The following SLC19A1 variants were observed in gnomAD, a reference collection of about 807,000 sequenced individuals.
SLC19A1 encodes solute carrier family 19 member 1.
In SLC19A1, 37 loss-of-function variants were observed where a neutral mutation model predicts 35.3. The ratio of observed to expected loss-of-function variants is 1.05; its 90% CI spans 0.81 to 1.38. The LOEUF (loss-of-function observed/expected upper bound fraction) is 1.38, where lower values mean the gene tolerates loss of function less well. Ranked by LOEUF, SLC19A1 falls within the 40% of genes most tolerant of loss-of-function variation. The pLI is 0.00. For synonymous variants in SLC19A1, 460 were observed against 398.5 expected (o/e 1.15, Z -1.84); for missense variants, 831 against 826.9 (o/e 1.00, Z -0.06).
Position 45,540,228 on chromosome 21 carries a change from G to A in SLC19A1, c.-50+2140C>T, listed in dbSNP as rs1434073040. Among the ~76,000 whole-genome samples, 1 of 152,160 alleles carries A rather than the reference G, an allele frequency of 6.6e-6. No homozygotes were observed. Among genetic ancestry groups the A allele is most frequent in the Non-Finnish European group, 1.5e-5 (1 of 68,032 alleles). The stretch of plus-strand genomic sequence containing the variant: ...GACCCATTTGGCCCTGGGACTCCCT[G>A]TCAAGTTCACTTTCCCACCTGTCAG... On this transcript the variant is annotated intron_variant, in intron 1 of 5. Coordinates refer to ENST00000311124, the MANE Select transcript of SLC19A1 (RefSeq NM_194255.4). This position sits in a 1 kb window ranked among gnomAD's most constrained non-coding sequence, Gnocchi z 5.5.
Position 45,534,585 on chromosome 21 carries a change from G to A in SLC19A1, c.190-2437C>T. On this transcript the variant is annotated intron_variant, in intron 2 of 5. Coordinates refer to ENST00000311124, the MANE Select transcript of SLC19A1 (RefSeq NM_194255.4). The surrounding 1 kb of genome is among the most constrained non-coding windows in gnomAD (Gnocchi z 4.2). ...TCATTTCCTCTTCCACCAGGAGCTGGCTCTGCAGGCTGGGGCCTCATCAGG... is the reference window on the plus strand; with the variant it reads ...TCATTTCCTCTTCCACCAGGAGCTGACTCTGCAGGCTGGGGCCTCATCAGG... 1 of 1,535,700 alleles carries A rather than the reference G, an allele frequency of 6.5e-7. No homozygotes were observed.
chr21:45,515,249 G>T lies in SLC19A1; in HGVS notation c.*409C>A, dbSNP rs1360757600. 4.0e-6 allele frequency: 6 copies of T among 1,500,860 alleles called. No homozygotes were observed. Among genetic ancestry groups the T allele is most frequent in the Non-Finnish European group, 5.3e-6 (6 of 1,137,564 alleles). The allele number at this position is 1,500,860 out of a possible 1,614,324, so 93.0% of individuals were successfully genotyped here. A position where few individuals can be genotyped will look rare whatever the true frequency, so the allele number is the denominator to read the frequency against. ...AGCTCAGCTACACCTGAGGGTCCCGGCTCCCACCCTGCCCTAGAGGGCTCA... is the reference window on the plus strand; with the variant it reads ...AGCTCAGCTACACCTGAGGGTCCCGTCTCCCACCCTGCCCTAGAGGGCTCA... On this transcript the variant is annotated 3_prime_UTR_variant, in exon 6 of 6. Transcript: ENST00000311124.
intron 3 of SLC19A1, chr21:45,505,748 C>A (rs944408697): frequency 1.8e-6 from 2 of 1,094,010 alleles, no homozygotes; most frequent in African/African-American, 3.1e-5. Context: ...GCGGCCCCTG[C>A]CCAGCACCCT....
Position 45,514,675 on chromosome 21 carries a change from CCCAGG to C in SLC19A1, c.*978_*982del. 1 of 281,016 alleles carries C rather than the reference CCCAGG, an allele frequency of 3.6e-6. No individual in the cohort carries two copies. The highest frequency in any genetic ancestry group is 6.6e-6 in the Non-Finnish European group (1 of 151,784). The allele number at this position is 281,016 out of a possible 1,614,324, so 17.4% of individuals were successfully genotyped here. A position where few individuals can be genotyped will look rare whatever the true frequency, so the allele number is the denominator to read the frequency against. ...CCTCACTGACTGCTGACCCTCAACC[CCCAGG>C]CCAGGCCGGCCCTGAATCAGAAGCC... On this transcript the variant is annotated 3_prime_UTR_variant, in exon 6 of 6. Transcript: ENST00000311124.
At position 45,531,861 on chromosome 21, in the gene SLC19A1, C is replaced by A. The variant is rs1302105562; in HGVS notation, c.477G>T (p.Ala159=). Residue 159 remains alanine, a synonymous_variant, in exon 3 of 6, where the codon GCG becomes GCT. Coordinates refer to ENST00000311124, the MANE Select transcript of SLC19A1 (RefSeq NM_194255.4). ...YQRVAGYSRA[A]VLLGVFTSSV... Reference sequence around the variant, plus strand: ...AGCTGGTGAACACGCCCAGCAGCACCGCAGCGCGCGAGTAGCCGGCCACAC... The same window carrying A: ...AGCTGGTGAACACGCCCAGCAGCACAGCAGCGCGCGAGTAGCCGGCCACAC... 6.3e-7 allele frequency: 1 copy of A among 1,584,254 alleles called. No individual in the cohort carries two copies. The highest frequency in any genetic ancestry group is 8.6e-7 in the Non-Finnish European group (1 of 1,166,030).
In SLC19A1 at chr21:45,535,653, G is replaced by A. The variant is rs1002073072; in HGVS notation, c.189+2118C>T. ...AGGAGTGAACTGGAAGTGCCAGCCC[G>A]GGCCAGCTGGGTCAAGGCCCACTGC... is the stretch of plus-strand genomic sequence containing the variant. On this transcript the variant is annotated intron_variant, in intron 2 of 5. Coordinates refer to ENST00000311124, the MANE Select transcript of SLC19A1 (RefSeq NM_194255.4). Among the ~76,000 whole-genome samples, 11 of 152,188 alleles carry A rather than the reference G, an allele frequency of 7.2e-5. No homozygotes were observed. In the South Asian group the frequency reaches 1.4e-3, roughly 20 times the overall value.
At chr21:45,503,458 A>G (rs1486445857) in intron 3 of SLC19A1, among the ~76,000 whole-genome samples, 1 of 152,128 alleles carries the variant, frequency 6.6e-6, no homozygotes, top group African/African-American at 2.4e-5. Flanking sequence ...ACGCAGCCAT[A>G]AAAAATGATG....
chr21:45,526,772 A>G (rs1245970387), intron 4 of SLC19A1, among the ~76,000 whole-genome samples: 1 of 152,188 alleles, frequency 6.6e-6, no homozygotes, highest in Non-Finnish European at 1.5e-5. Context: ...GAGTTTCACC[A>G]TGTTGGCCAG....
Position 45,503,198 on chromosome 21 carries a change from G to C in SLC19A1, c.498-4586C>G, listed in dbSNP as rs563533494. ...TTACAGTCCCACCAACAGTGTAAAA[G>C]TGTTCCTATTTCTCTACATCCTCTC... On this transcript the variant is annotated intron_variant, in intron 3 of 4. Coordinates refer to the SLC19A1 transcript ENST00000417954. Among the ~76,000 whole-genome samples the C allele has an allele frequency of 7.2e-5, 11 of 152,296 alleles. No individual in the cohort carries two copies. In the East Asian group the frequency reaches 2.1e-3, roughly 29 times the overall value.
At chr21:45,511,705 C>T (rs2146145462), downstream of SLC19A1, among the ~76,000 whole-genome samples, 1 of 152,284 alleles carries the variant, frequency 6.6e-6, no homozygotes, top group South Asian at 2.1e-4. Flanking sequence ...AACACTCATG[C>T]ATTTAGGGGT....
downstream of SLC19A1, among the ~76,000 whole-genome samples, chr21:45,511,798 A>G (rs1011372779): frequency 2.0e-5 from 3 of 152,198 alleles, no homozygotes; most frequent in Non-Finnish European, 4.4e-5. Context: ...GGTCTCTGAC[A>G]GGAGTGCTGT....
intron 3 of SLC19A1, chr21:45,505,187 AC>A (rs749541171): frequency 3.1e-6 from 5 of 1,604,102 alleles, no homozygotes; most frequent in East Asian, 2.2e-5. Flanking sequence ...GACCTCAGGG[AC>A]CCCCCGGCAT....
chr21:45,532,495 A>AC (rs2146373135), intron 2 of SLC19A1, among the ~76,000 whole-genome samples: 1 of 152,268 alleles, frequency 6.6e-6, no homozygotes, highest in South Asian at 2.1e-4. Context: ...GTGCAGTGGC[A>AC]CGATCTTAGC....
At chr21:45,508,102 GGTGGTCAGGCGGGTGA>G (rs1049704294), downstream of SLC19A1, among the ~76,000 whole-genome samples, 17 of 146,264 alleles carry the variant, frequency 1.2e-4, no homozygotes, top group Admixed American at 5.4e-4. Flanking sequence ...GTGGATGGAT[GGTGGTCAGGCGGGTGA>G]GTGGACGGGT....
At chr21:45,508,159 A>G (rs114190086), downstream of SLC19A1, among the ~76,000 whole-genome samples, 3,054 of 142,388 alleles carry the variant, frequency 0.021, 104 homozygotes, top group African/African-American at 0.077. Flanking sequence ...GGGTGAGTGG[A>G]TAGGTAGGTA....
rs2078188539 is a variant in SLC19A1, at chr21:45,538,021, G to A, written c.-49-13C>T. The A allele has an allele frequency of 1.5e-6, 2 of 1,369,330 alleles. No homozygotes were observed. The highest frequency in any genetic ancestry group is 1.5e-5 in the South Asian group (1 of 67,690). The allele number at this position is 1,369,330 out of a possible 1,614,324, so 84.8% of individuals were successfully genotyped here. A position where few individuals can be genotyped will look rare whatever the true frequency, so the allele number is the denominator to read the frequency against. Reference sequence around the variant, plus strand: ...GGTGACGCTGTGCCTGGAAGGAGGGGTGGAGTCAGGGCACCTTGGAAGATG... The same window carrying A: ...GGTGACGCTGTGCCTGGAAGGAGGGATGGAGTCAGGGCACCTTGGAAGATG... On this transcript the variant is annotated splice_polypyrimidine_tract_variant and intron_variant, in intron 1 of 5. Transcript: ENST00000311124.
rs2037680699 is a variant in SLC19A1, at chr21:45,512,664, G to A, written c.*2994C>T. ...GCCCAGCTGGGTCAGGCAGGGTGCA[G>A]TATCATGCCCTGTGCAACCTCTTGG... is the stretch of plus-strand genomic sequence containing the variant. On this transcript the variant is annotated 3_prime_UTR_variant, in exon 6 of 6. Transcript: ENST00000311124. 1.8e-6 allele frequency: 1 copy of A among 545,590 alleles called. No homozygotes were observed. The highest frequency in any genetic ancestry group is 3.3e-6 in the Non-Finnish European group (1 of 302,572). The allele number at this position is 545,590 out of a possible 1,614,324, so 33.8% of individuals were successfully genotyped here. A position where few individuals can be genotyped will look rare whatever the true frequency, so the allele number is the denominator to read the frequency against.
downstream of SLC19A1, chr21:45,510,145 G>A: frequency 1.3e-6 from 2 of 1,599,614 alleles, no homozygotes; most frequent in Non-Finnish European, 1.7e-6. Flanking sequence ...CTTCCAGCAG[G>A]CGCGGGCCGT....
chr21:45,551,900 G>A (rs1479531873), intron 1 of SLC19A1, among the ~76,000 whole-genome samples: 1 of 152,176 alleles, frequency 6.6e-6, no homozygotes, highest in Non-Finnish European at 1.5e-5. Flanking sequence ...CTCCCTGCAT[G>A]TCCACGCCTT....
Sources: gnomAD v4.1 joint callset for allele counts (sites outside exome capture counted in the v4.1 genomes callset) on GRCh38, gnomAD v4.1.1 for gene constraint, Gnocchi (gnomAD v3.1) non-coding constraint, MANE v1.5 for transcripts, NCBI Gene and HGNC (gene_info 2026-07-23, HGNC 2026-07-21) for gene names.